Variants in SMYD4 observed in about 807,000 individuals in gnomAD.
SMYD4 encodes SET and MYND domain containing 4.
In SMYD4, 68 loss-of-function variants were observed where a neutral mutation model predicts 72.8. That is an observed-to-expected ratio of 0.93 (90% CI 0.77 to 1.14). The LOEUF (loss-of-function observed/expected upper bound fraction) is 1.14, where lower values mean the gene tolerates loss of function less well. Ranked by LOEUF, SMYD4 falls within the 50% of genes most tolerant of loss-of-function variation. The pLI, the probability that SMYD4 is intolerant of heterozygous loss-of-function variation, is 0.00. For missense variants in SMYD4, 984 were observed against 1,003.7 expected (o/e 0.98, Z 0.27); for synonymous variants, 407 against 388.6 (o/e 1.05, Z -0.56).
rs554551660 is a variant in SMYD4 at position 1,796,306 on chromosome 17, T to G, written c.1537+3551A>C. ...ATGCCACCATGCCTGGCTGTTTTTT[T>G]TTTTTTTTTTTGTAGAGATGGGTCT... On this transcript the variant is annotated intron_variant, in intron 5 of 10. Transcript: ENST00000305513. Among the ~76,000 whole-genome samples, 160 of 147,040 alleles carry G rather than the reference T, an allele frequency of 1.1e-3. 1 individual carries two copies. Among genetic ancestry groups the G allele is most frequent in the Middle Eastern group, 3.5e-3 (1 of 286 alleles).
In SMYD4 at chr17:1,779,718, G is replaced by A. The variant is rs11062; in HGVS notation, c.*1568C>T. ...GCTCCATATTTACTTCTCTGGTCAC[G>A]GTTCATACTCCACGATTTTAACAAA... On this transcript the variant is annotated 3_prime_UTR_variant, in exon 11 of 11. Coordinates refer to ENST00000305513, the MANE Select transcript of SMYD4 (RefSeq NM_052928.3). 0.38 allele frequency: 57,098 copies of A among 152,194 alleles called. 10,976 individuals carry two copies. Among genetic ancestry groups the A allele is most frequent in the East Asian group, 0.51 (2,624 of 5,176 alleles). The allele number at this position is 152,194 out of a possible 1,614,324, so 9.4% of individuals were successfully genotyped here.
At position 1,816,078 on chromosome 17, in the gene SMYD4, T is replaced by TC. The variant is rs1226888743; in HGVS notation, c.135-3964dup. 1.0e-4 allele frequency among the ~76,000 whole-genome samples: 7 copies of TC among 70,204 alleles called. No homozygotes were observed. In the South Asian group the frequency reaches 1.5e-3, roughly 15 times the overall value. 46.1% of individuals were successfully genotyped at this position (70,204 alleles called of 152,430 possible). ...TATCCAACCATCAGCACTATTCATT[T>TC]CCAAAGTTTTTTCATCATCCCATGC... On this transcript the variant is annotated intron_variant, in intron 2 of 10. Coordinates refer to ENST00000305513, the MANE Select transcript of SMYD4 (RefSeq NM_052928.3).
chr17:1,782,956 C>T (rs1908443487), intron 10 of SMYD4, 79 bp downstream of exon 10: 1 of 1,544,214 alleles, frequency 6.5e-7, no homozygotes. Context: ...CTTTTAAAAA[C>T]ACCATAGAAA....
In SMYD4 at chr17:1,795,432, T is replaced by TATCC. The variant is rs1555575931; in HGVS notation, c.1537+4424_1537+4425insGGAT. On this transcript the variant is annotated intron_variant, in intron 5 of 10. Transcript: ENST00000305513. ...CTATCTATCTATCTATCTATCTATCTATCTATCTATCTAATCATCTATCTA... is the reference window on the plus strand; with the variant it reads ...CTATCTATCTATCTATCTATCTATCTATCCATCTATCTATCTAATCATCTATCTA... Among the ~76,000 whole-genome samples the TATCC allele has an allele frequency of 4.3e-5, 6 of 139,176 alleles. No individual in the cohort carries two copies. The East Asian group carries it at 1.2e-3, about 28-fold the overall frequency. The allele number at this position is 139,176 out of a possible 152,430, so 91.3% of individuals were successfully genotyped here.
chr17:1,804,566 G>C lies in SMYD4; in HGVS notation c.369+60C>G, dbSNP rs866242871. On this transcript the variant is annotated intron_variant, in intron 4 of 10. Coordinates refer to ENST00000305513, the MANE Select transcript of SMYD4 (RefSeq NM_052928.3). ...TGGAAGAAGCAGAGATGAAGGTCTA[G>C]TCCTCCAGTAAGAAGCCCTCCGGAT... The C allele has an allele frequency of 1.8e-5, 26 of 1,418,588 alleles. No individual in the cohort carries two copies. In the Middle Eastern group the frequency reaches 1.2e-3, roughly 67 times the overall value. 87.9% of individuals were successfully genotyped at this position (1,418,588 alleles called of 1,614,324 possible).
chr17:1,814,825 T>C (rs903742150), intron 2 of SMYD4: 2 of 151,942 alleles, frequency 1.3e-5, no homozygotes, highest in African/African-American at 4.8e-5. Context: ...AAAGAAAAAC[T>C]AGGAAAGATT....
chr17:1,786,864 A>T lies in SMYD4; in HGVS notation c.1830T>A (p.Ala610=). 1 of 1,614,226 alleles carries T rather than the reference A, an allele frequency of 6.2e-7. No individual in the cohort carries two copies. Among genetic ancestry groups the T allele is most frequent in the Non-Finnish European group, 8.5e-7 (1 of 1,180,038 alleles). Residue 610 remains alanine, a synonymous_variant, in exon 7 of 11, where the codon GCT becomes GCA. Transcript: ENST00000305513. ...AGAATGCTTCCCACCTGGGCCCTGC[A>T]GCCATCCTGTGTGCCTCAGTTTGAC... ...PACQTEAHRM[A]AGPRWEAFCC...
At chr17:1,791,407 A>T (rs369509678) in intron 5 of SMYD4, among the ~76,000 whole-genome samples, 4 of 152,204 alleles carry the variant, frequency 2.6e-5, no homozygotes, top group East Asian at 3.8e-4. Context: ...ACATTTTTAT[A>T]GGTTTTTGTC....
At chr17:1,824,917 G>A (rs184391001) in intron 2 of SMYD4, among the ~76,000 whole-genome samples, 5 of 152,152 alleles carry the variant, frequency 3.3e-5, no homozygotes, top group South Asian at 4.1e-4. Flanking sequence ...GAGCCACCGC[G>A]CCCGGTGAAA....
rs1460128627 is a variant in SMYD4, at chr17:1,783,358, A to G, written c.2137+2T>C. On this transcript the variant is annotated splice_donor_variant, in intron 9 of 10. Coordinates refer to ENST00000305513, the MANE Select transcript of SMYD4 (RefSeq NM_052928.3). LOFTEE classifies it high-confidence loss of function. Reference sequence around the variant, plus strand: ...CGCAGAACGTGAAGGCTCATGCTGTACCTAAGGCAGCACAGGCCCGGGCCA... The same window carrying G: ...CGCAGAACGTGAAGGCTCATGCTGTGCCTAAGGCAGCACAGGCCCGGGCCA... 1 of 1,612,154 alleles carries G rather than the reference A, an allele frequency of 6.2e-7. No individual in the cohort carries two copies. The highest frequency in any genetic ancestry group is 8.5e-7 in the Non-Finnish European group (1 of 1,179,978).
chr17:1,807,961 T>C (rs1910129451), intron 3 of SMYD4, among the ~76,000 whole-genome samples: 1 of 152,132 alleles, frequency 6.6e-6, no homozygotes, highest in Non-Finnish European at 1.5e-5. Flanking sequence ...AATAAATCGA[T>C]ATAATAATAA....
intron 2 of SMYD4, among the ~76,000 whole-genome samples, chr17:1,827,352 A>C (rs1290781467): frequency 1.4e-5 from 2 of 145,950 alleles, no homozygotes; most frequent in East Asian, 3.9e-4. Context: ...AAAGAAAAAA[A>C]GAAAAAAAAA....
rs372370082 is a variant in SMYD4 at position 1,826,926 on chromosome 17, G to A, written c.134+935C>T. Among the ~76,000 whole-genome samples, 228 of 152,158 alleles carry A rather than the reference G, an allele frequency of 1.5e-3. 1 individual carries two copies. The highest frequency in any genetic ancestry group is 5.2e-3 in the African/African-American group (217 of 41,526). On this transcript the variant is annotated intron_variant, in intron 2 of 10. Transcript: ENST00000305513. ...AGCACTTTGGGAGGCTGAGGCGGGCGGATCATTTGAGGGCAGGAGTTCAAG... is the reference window on the plus strand; with the variant it reads ...AGCACTTTGGGAGGCTGAGGCGGGCAGATCATTTGAGGGCAGGAGTTCAAG...
chr17:1,787,755 A>G (rs1460178522), intron 5 of SMYD4, 151 bp from the exon 6 acceptor site: 5 of 826,486 alleles, frequency 6.0e-6, no homozygotes, highest in Non-Finnish European at 3.7e-6. Context: ...CAGATGGGAC[A>G]TGACTCACGG....
At chr17:1,817,156 G>C (rs1910646704) in intron 2 of SMYD4, among the ~76,000 whole-genome samples, 1 of 150,986 alleles carries the variant, frequency 6.6e-6, no homozygotes, top group Non-Finnish European at 1.5e-5. Context: ...TCCTGCCTCA[G>C]CCTCCCGAGT....
Position 1,829,896 on chromosome 17 carries a change from C to G in SMYD4, c.-183G>C, listed in dbSNP as rs1032771890. The G allele has an allele frequency of 2.2e-6, 1 of 448,046 alleles. No homozygotes were observed. Among genetic ancestry groups the G allele is most frequent in the African/African-American group, 2.0e-5 (1 of 48,908 alleles). The allele number at this position is 448,046 out of a possible 1,614,324, so 27.8% of individuals were successfully genotyped here. A position where few individuals can be genotyped will look rare whatever the true frequency, so the allele number is the denominator to read the frequency against. ...TCCCGCGCCAGGCCTCGCTTGGGAC[C>G]ATGGGTGGGTCACGTGGGCCGCGCC... On this transcript the variant is annotated 5_prime_UTR_variant, in exon 1 of 11. An upstream start codon of the reference 5' UTR is lost. Coordinates refer to ENST00000305513, the MANE Select transcript of SMYD4 (RefSeq NM_052928.3).
chr17:1,784,445 C>T lies in SMYD4; in HGVS notation c.1901G>A (p.Arg634His), dbSNP rs147835560. ...TTCTGCACAAGATCTGCTGCCACAG[C>T]GCAGCACGTCATCTCCCTGTGGAAG... is the stretch of plus-strand genomic sequence containing the variant. Reference protein sequence around the residue: ...GAPMQGDDVLRCGSRSCAESA... With the variant: ...GAPMQGDDVLHCGSRSCAESA... Residue 634 changes from arginine to histidine, a missense_variant, in exon 8 of 11, where the codon CGC becomes CAC. Arg to His is a conservative substitution (Grantham distance 29). Transcript: ENST00000305513. 1.2e-4 allele frequency: 197 copies of T among 1,614,152 alleles called. No individual in the cohort carries two copies. The African/African-American group carries it at 2.2e-3, about 18-fold the overall frequency.
chr17:1,815,253 G>A (rs754011389), intron 2 of SMYD4, among the ~76,000 whole-genome samples: 5 of 151,910 alleles, frequency 3.3e-5, no homozygotes, highest in Non-Finnish European at 7.4e-5. Flanking sequence ...TAGTAGAGAC[G>A]GGGTTTCACC....
intron 5 of SMYD4, among the ~76,000 whole-genome samples, chr17:1,788,475 G>A (rs1908824286): frequency 6.6e-6 from 1 of 152,156 alleles, no homozygotes. Flanking sequence ...GCCGGGCGCG[G>A]TGGCTCACGC....
Sources: gnomAD v4.1 joint callset for allele counts (sites outside exome capture counted in the v4.1 genomes callset) on GRCh38, gnomAD v4.1.1 for gene constraint, MANE v1.5 for transcripts, NCBI Gene and HGNC (gene_info 2026-07-23, HGNC 2026-07-21) for gene names.